KCNH2: variants seen among roughly 807,000 people sequenced by gnomAD.
KCNH2 encodes the protein potassium voltage-gated channel subfamily H member 2.
KCNH2 carries 35 observed loss-of-function variants against 95.9 expected under a neutral mutation model. That is an observed-to-expected ratio of 0.37 (90% CI 0.28 to 0.48). The LOEUF is 0.48. Ranked by LOEUF, KCNH2 falls within the 20% of genes least tolerant of loss-of-function variation. The pLI, the probability that KCNH2 is intolerant of heterozygous loss-of-function variation, is 0.99. For synonymous variants in KCNH2, 786 were observed against 754.7 expected (o/e 1.04, Z -0.68); for missense variants, 1,274 against 1,702.9 (o/e 0.75, Z 4.43).
At position 150,946,343 on chromosome 7, in the gene KCNH2, C is replaced by T. The variant is rs903241575; in HGVS notation, c.3330+534G>A. ...CTCCCCTGGAGGCTTGGCCTCTGCA[C>T]CCTGGGAAATGCCAAGCACCCTCAA... is the stretch of plus-strand genomic sequence containing the variant. On this transcript the variant is annotated intron_variant, in intron 14 of 14. Coordinates refer to ENST00000262186, the MANE Select transcript of KCNH2 (RefSeq NM_000238.4). The surrounding 1 kb of genome is among the most constrained non-coding windows in gnomAD (Gnocchi z 6.5). 2.6e-5 allele frequency among the ~76,000 whole-genome samples: 4 copies of T among 152,210 alleles called. No homozygotes were observed. The highest frequency in any genetic ancestry group is 6.5e-5 in the Admixed American group (1 of 15,290).
At chr7:150,970,800 G>A (rs1271905190) in intron 2 of KCNH2, among the ~76,000 whole-genome samples, 1 of 152,152 alleles carries the variant, frequency 6.6e-6, no homozygotes, top group Non-Finnish European at 1.5e-5. Context: ...GCGCTCCCCT[G>A]ATAGCTTCAG....
intron 5 of KCNH2, among the ~76,000 whole-genome samples, chr7:150,954,076 C>G (rs1390931095): frequency 1.3e-5 from 2 of 152,304 alleles, no homozygotes; most frequent in East Asian, 1.9e-4. Flanking sequence ...ATTTGACCAC[C>G]CTGGGGTGGA....
intron 9 of KCNH2, chr7:150,949,306 C>T: frequency 1.4e-6 from 2 of 1,389,188 alleles, no homozygotes; most frequent in Non-Finnish European, 1.9e-6. Flanking sequence ...CAGGACTACC[C>T]CAAACCCCAG....
chr7:150,947,062 A>G lies in KCNH2; in HGVS notation c.3153-8T>C. The G allele has an allele frequency of 6.6e-7, 1 of 1,504,604 alleles. No individual in the cohort carries two copies. The allele number at this position is 1,504,604 out of a possible 1,614,324, so 93.2% of individuals were successfully genotyped here. A position where few individuals can be genotyped will look rare whatever the true frequency, so the allele number is the denominator to read the frequency against. ...CTCAGCCGGGTCTCCAGCCTGGGGC[A>G]GGAAGTGGGGGATGCTCAGAGAAGT... On this transcript the variant is annotated splice_region_variant and splice_polypyrimidine_tract_variant and intron_variant, in intron 13 of 14. Coordinates refer to ENST00000262186, the MANE Select transcript of KCNH2 (RefSeq NM_000238.4).
chr7:150,974,642 G>A, intron 2 of KCNH2, 69 bp downstream of exon 2: 3 of 743,810 alleles, frequency 4.0e-6, no homozygotes, highest in Non-Finnish European at 5.8e-6. Context: ...CACGCACCCT[G>A]CCCCTCGCCG....
intron 2 of KCNH2, among the ~76,000 whole-genome samples, chr7:150,970,649 G>A (rs1184461890): frequency 6.6e-6 from 1 of 152,194 alleles, no homozygotes; most frequent in Non-Finnish European, 1.5e-5. Context: ...CAGGGCAAGA[G>A]GCAACTGGCT....
At position 150,947,340 on chromosome 7, in the gene KCNH2, C is replaced by A. The variant is rs36210421; in HGVS notation, c.3140G>T (p.Arg1047Leu). Residue 1047 changes from arginine (R) to leucine (L), a missense_variant, in exon 13 of 15, where the codon CGC (arginine) becomes CTC (leucine). Physicochemically the swap from Arg to Leu is moderately radical, Grantham distance 102. Transcript: ENST00000262186. ...DVESRLDALQ[R>L]QLNRLETRLS... ...TGCACTCCCTCACCTGTTGAGCTGGCGCTGGAGGGCATCCAGCCTGCTCTC... is the reference window on the plus strand; with the variant it reads ...TGCACTCCCTCACCTGTTGAGCTGGAGCTGGAGGGCATCCAGCCTGCTCTC... 0.021 allele frequency: 32,481 copies of A among 1,542,350 alleles called. 511 individuals carry two copies. Among genetic ancestry groups the A allele is most frequent in the Non-Finnish European group, 0.024 (27,013 of 1,146,464 alleles).
chr7:150,946,997 C>T lies in KCNH2; in HGVS notation c.3210G>A (p.Gln1070=). The T allele has an allele frequency of 1.2e-6, 2 of 1,611,046 alleles. No individual in the cohort carries two copies. ...TGTAGGCGGGCGGGACCAGCGTCAT[C>T]TGCCTCTGTAGCAGCTGCAGGACAG... ...MATVLQLLQR[Q]MTLVPPAYSA... is the part of the protein sequence containing the mutation. The change falls in exon 14 of 15, where the codon CAG becomes CAA. Residue 1070 remains glutamine, a synonymous_variant. Coordinates refer to ENST00000262186, the MANE Select transcript of KCNH2 (RefSeq NM_000238.4). The surrounding 1 kb of genome is among the most constrained non-coding windows in gnomAD (Gnocchi z 6.5).
chr7:150,957,159 C>A, intron 5 of KCNH2, 132 bp downstream of exon 5: 1 of 766,934 alleles, frequency 1.3e-6, no homozygotes. Flanking sequence ...CAACCCCAAC[C>A]CTCAGGTCTG....
Position 150,947,069 on chromosome 7 carries a change from G to C in KCNH2, c.3153-15C>G. 6.3e-7 allele frequency: 1 copy of C among 1,583,222 alleles called. No homozygotes were observed. The highest frequency in any genetic ancestry group is 8.6e-7 in the Non-Finnish European group (1 of 1,161,698). On this transcript the variant is annotated splice_polypyrimidine_tract_variant and intron_variant, in intron 13 of 14. Transcript: ENST00000262186. Reference sequence around the variant, plus strand: ...GGGTCTCCAGCCTGGGGCAGGAAGTGGGGGATGCTCAGAGAAGTGGGGACA... The same window carrying C: ...GGGTCTCCAGCCTGGGGCAGGAAGTCGGGGATGCTCAGAGAAGTGGGGACA...
chr7:150,955,012 C>A lies in KCNH2; in HGVS notation c.1129-2159G>T, dbSNP rs1036653120. On this transcript the variant is annotated intron_variant, in intron 5 of 14. Transcript: ENST00000262186. ...CACACAGAGCAAAGGAGCCCCGGCGCCTCCATGCCAGGCCCAGCTGTCGCC... is the reference window on the plus strand; with the variant it reads ...CACACAGAGCAAAGGAGCCCCGGCGACTCCATGCCAGGCCCAGCTGTCGCC... Among the ~76,000 whole-genome samples, 8 of 152,374 alleles carry A rather than the reference C, an allele frequency of 5.3e-5. No individual in the cohort carries two copies. The East Asian group carries it at 1.5e-3, about 29-fold the overall frequency.
rs962739782 is a variant in KCNH2, at chr7:150,947,352, T to C, written c.3128A>G (p.Asp1043Gly). Reference protein sequence around the residue: ...RPRGDVESRLDALQRQLNRLE... With the variant: ...RPRGDVESRLGALQRQLNRLE... ...CCTGTTGAGCTGGCGCTGGAGGGCA[T>C]CCAGCCTGCTCTCCACGTCGCCCCG... is the stretch of plus-strand genomic sequence containing the variant. Residue 1043 changes from aspartate (D) to glycine (G), a missense_variant, in exon 13 of 15, where the codon GAT becomes GGT. By Grantham distance (94) the Asp-to-Gly change is moderately conservative (BLOSUM62 -1). Coordinates refer to ENST00000262186, the MANE Select transcript of KCNH2 (RefSeq NM_000238.4). The C allele has an allele frequency of 1.9e-6, 3 of 1,544,592 alleles. No homozygotes were observed. The highest frequency in any genetic ancestry group is 2.4e-5 in the South Asian group (2 of 83,914).
chr7:150,947,126 G>A, intron 13 of KCNH2, 72 bp from the exon 14 acceptor site: 1 of 1,002,460 alleles, frequency 1.0e-6, no homozygotes, highest in Non-Finnish European at 1.5e-6. Context: ...AGTGGGGAAG[G>A]GGAAGGGGAG....
chr7:150,947,176 GA>G (rs1468674697), intron 13 of KCNH2, 122 bp from the exon 14 acceptor site: 2 of 1,111,780 alleles, frequency 1.8e-6, no homozygotes, highest in African/African-American at 3.1e-5. Context: ...CTCCGCGCTA[GA>G]GGTGTGGCAG....
chr7:150,968,747 C>T (rs551453748), intron 2 of KCNH2, among the ~76,000 whole-genome samples: 34 of 152,200 alleles, frequency 2.2e-4, no homozygotes, highest in Non-Finnish European at 4.3e-4. Flanking sequence ...GGGCCAGCAG[C>T]AGCCTGCAGG....
At chr7:150,959,885 C>A in intron 2 of KCNH2, 149 bp from the exon 3 acceptor site, 5 of 884,784 alleles carry the variant, frequency 5.7e-6, no homozygotes, top group Non-Finnish European at 9.0e-6. Flanking sequence ...GTCCTGATCC[C>A]CCACCCGGCC....
At chr7:150,949,408 AT>A (rs1035990140) in intron 9 of KCNH2, 47,017 of 373,408 alleles carry the variant, frequency 0.13, 8 homozygotes, top group Middle Eastern at 0.15. Context: ...CAAAACCAGC[AT>A]TTTTTTTTTT....
Position 150,949,015 on chromosome 7 carries a change from C to T in KCNH2, c.2433G>A (p.Leu811=), listed in dbSNP as rs1801032409. Residue 811 remains leucine, a synonymous_variant, in exon 10 of 15, where the codon CTG becomes CTA. Transcript: ENST00000262186. ...CGTTCGACTTGCCAGGCCTTGCATACAGGTTCAGAGGCTCCCCAAAGATGT... is the reference window on the plus strand; with the variant it reads ...CGTTCGACTTGCCAGGCCTTGCATATAGGTTCAGAGGCTCCCCAAAGATGT... ...KNDIFGEPLN[L]YARPGKSNGD... is the part of the protein sequence containing the mutation. 1 of 1,614,218 alleles carries T rather than the reference C, an allele frequency of 6.2e-7. No homozygotes were observed. The highest frequency in any genetic ancestry group is 8.5e-7 in the Non-Finnish European group (1 of 1,180,024).
rs2117062260 is a variant in KCNH2, at chr7:150,974,730, G to A, written c.288C>T (p.Ile96=). ...TCCTACCATCTTTCCGGTAGAAGGC[G>A]ATTTCCACTTTGCGCTCCTCGGCGC... is the stretch of plus-strand genomic sequence containing the variant. The part of the protein sequence containing the change: ...LLGAEERKVE[I]AFYRKDGSCF... Residue 96 remains isoleucine (I), a synonymous_variant, in exon 2 of 15, where the codon ATC becomes ATT. Coordinates refer to ENST00000262186, the MANE Select transcript of KCNH2 (RefSeq NM_000238.4). 6.2e-7 allele frequency: 1 copy of A among 1,602,652 alleles called. No individual in the cohort carries two copies. Among genetic ancestry groups the A allele is most frequent in the Non-Finnish European group, 8.5e-7 (1 of 1,175,514 alleles).
Sources: allele counts gnomAD v4.1 joint callset (sites outside exome capture counted in the v4.1 genomes callset), GRCh38; gene constraint gnomAD v4.1.1; non-coding constraint Gnocchi (gnomAD v3.1); transcripts MANE v1.5; gene names NCBI Gene and HGNC (gene_info 2026-07-23, HGNC 2026-07-21).